The following SEMA3A variants were observed in gnomAD, a reference collection of about 807,000 sequenced individuals.
The protein encoded by SEMA3A is semaphorin-3A.
Under a neutral mutation model 97.9 loss-of-function variants are expected in SEMA3A, and 29 were observed. The ratio of observed to expected loss-of-function variants is 0.30; its 90% CI spans 0.22 to 0.40. The LOEUF (loss-of-function observed/expected upper bound fraction) is 0.40, where lower values mean the gene tolerates loss of function less well. SEMA3A is among the 10% of genes least tolerant of loss of function. The probability of loss-of-function intolerance (pLI) is 1.00; values close to 1 mark genes in which losing one functional copy is unlikely to be tolerated. For missense variants in SEMA3A, 763 were observed against 951.3 expected, an observed-to-expected ratio of 0.80 and a Z score of 2.60; for synonymous variants, 321 against 323.7, an observed-to-expected ratio of 0.99 and a Z score of 0.09.
At position 84,147,466 on chromosome 7, in the gene SEMA3A, T is replaced by G. The variant is rs913353516; in HGVS notation, c.113-12515A>C. Among the ~76,000 whole-genome samples, 4 of 152,088 alleles carry G rather than the reference T, an allele frequency of 2.6e-5. No individual in the cohort carries two copies. In the East Asian group the frequency reaches 7.7e-4, roughly 29 times the overall value. On this transcript the variant is annotated intron_variant, in intron 1 of 16. Transcript: ENST00000265362. ...ACATATTCCTATCAGTGTTCATGGG[T>G]GTCCCTTTTTTATGTGAGGCAAGCA... is the stretch of plus-strand genomic sequence containing the variant.
At chr7:84,234,846 G>T (rs1799196461) in intron 3 of SEMA3A, among the ~76,000 whole-genome samples, 1 of 151,912 alleles carries the variant, frequency 6.6e-6, no homozygotes, top group African/African-American at 2.4e-5. Flanking sequence ...TTCAAATCTA[G>T]GGTAATCTTT....
intron 2 of SEMA3A, among the ~76,000 whole-genome samples, chr7:84,360,642 CAA>C (rs1802694043): frequency 6.6e-6 from 1 of 152,008 alleles, no homozygotes. Flanking sequence ...TGTAGCATGT[CAA>C]GACGAGTGTA....
At chr7:83,989,965 C>G (rs925551355) in intron 12 of SEMA3A, among the ~76,000 whole-genome samples, 6 of 151,868 alleles carry the variant, frequency 4.0e-5, no homozygotes, top group Non-Finnish European at 1.5e-5. Flanking sequence ...TTCTCCACAT[C>G]CTCTCCAGCA....
rs1162385486 is a variant in SEMA3A at position 84,366,878 on chromosome 7, AT to A, written c.-169+4945del. Among the ~76,000 whole-genome samples the A allele has an allele frequency of 4.0e-5, 6 of 150,972 alleles. No individual in the cohort carries two copies. The East Asian group carries it at 7.8e-4, about 20-fold the overall frequency. On this transcript the variant is annotated intron_variant, in intron 2 of 3. Coordinates refer to the SEMA3A transcript ENST00000424555. ...AAATCTAGCTACTTGGTTATGCAGG[AT>A]TTTTTTTCTTGTGCTCTCACTTGAT...
chr7:84,411,982 A>G (rs191857921), intron 1 of SEMA3A, among the ~76,000 whole-genome samples: 84 of 152,258 alleles, frequency 5.5e-4, no homozygotes, highest in African/African-American at 2.0e-3. Flanking sequence ...ATTTTAACAT[A>G]TGTAATTTCT....
At chr7:84,089,267 T>A (rs1482301583) in intron 4 of SEMA3A, among the ~76,000 whole-genome samples, 1 of 152,186 alleles carries the variant, frequency 6.6e-6, no homozygotes, top group Non-Finnish European at 1.5e-5. Context: ...TATGCTGTTG[T>A]ATACGCACAT....
chr7:84,052,827 C>G (rs1016497294), intron 5 of SEMA3A, among the ~76,000 whole-genome samples: 5 of 150,776 alleles, frequency 3.3e-5, no homozygotes, highest in Non-Finnish European at 7.4e-5. Flanking sequence ...TTGGATCTTT[C>G]CTGCTTTCTC....
At chr7:84,370,153 A>T (rs564885081) in intron 2 of SEMA3A, among the ~76,000 whole-genome samples, 1 of 151,562 alleles carries the variant, frequency 6.6e-6, no homozygotes, top group Admixed American at 6.6e-5. Flanking sequence ...TGGAATAGCA[A>T]TCTTAGGAAC....
At chr7:84,371,274 C>T (rs1225414530) in intron 2 of SEMA3A, among the ~76,000 whole-genome samples, 1 of 151,688 alleles carries the variant, frequency 6.6e-6, no homozygotes, top group Non-Finnish European at 1.5e-5. Flanking sequence ...TAACATGGCT[C>T]AGAGACTTTA....
At chr7:84,406,235 G>T (rs4582479) in intron 1 of SEMA3A, among the ~76,000 whole-genome samples, 48,335 of 151,946 alleles carry the variant, frequency 0.32, 9,227 homozygotes, top group African/African-American at 0.54. Context: ...CGATCCCACA[G>T]AAATACAAAC....
chr7:84,439,533 G>A (rs1387686117), intron 1 of SEMA3A, among the ~76,000 whole-genome samples: 3 of 152,158 alleles, frequency 2.0e-5, no homozygotes, highest in African/African-American at 7.2e-5. Flanking sequence ...TGTGTGCTAT[G>A]TAAATTTCTG....
chr7:84,373,930 G>A (rs185130802), intron 1 of SEMA3A, among the ~76,000 whole-genome samples: 1 of 152,192 alleles, frequency 6.6e-6, no homozygotes, highest in Admixed American at 6.6e-5. Flanking sequence ...TTGAAAATAT[G>A]GCATGAGATG....
intron 14 of SEMA3A, among the ~76,000 whole-genome samples, chr7:83,979,368 G>T (rs975686600): frequency 6.6e-6 from 1 of 152,086 alleles, no homozygotes; most frequent in Non-Finnish European, 1.5e-5. Flanking sequence ...TCTTGACATC[G>T]TGAGCCGCCT....
chr7:84,049,308 A>T (rs894790245), intron 5 of SEMA3A, among the ~76,000 whole-genome samples: 2 of 152,046 alleles, frequency 1.3e-5, no homozygotes, highest in African/African-American at 4.8e-5. Context: ...TCCATACTCA[A>T]TGTCAGTAAA....
At chr7:84,287,189 T>C (rs944668025) in intron 3 of SEMA3A, among the ~76,000 whole-genome samples, 2 of 152,088 alleles carry the variant, frequency 1.3e-5, no homozygotes, top group Non-Finnish European at 2.9e-5. Flanking sequence ...ATTTTGGTTG[T>C]TTCAATATGA....
chr7:84,066,305 T>G (rs181583841), intron 4 of SEMA3A, among the ~76,000 whole-genome samples: 397 of 152,068 alleles, frequency 2.6e-3, no homozygotes, highest in African/African-American at 7.2e-3. Context: ...CAAACCCACA[T>G]CCAATATCAT....
intron 3 of SEMA3A, among the ~76,000 whole-genome samples, chr7:84,292,244 T>C (rs1242658164): frequency 6.6e-6 from 1 of 152,062 alleles, no homozygotes; most frequent in Non-Finnish European, 1.5e-5. Flanking sequence ...AAGATAAGCA[T>C]GTTAAATGTT....
At chr7:84,457,219 A>T (rs1433590482) in intron 1 of SEMA3A, among the ~76,000 whole-genome samples, 1 of 151,782 alleles carries the variant, frequency 6.6e-6, no homozygotes, top group Non-Finnish European at 1.5e-5. Context: ...TTCCTGAGTC[A>T]GTTATTCCAC....
intron 3 of SEMA3A, among the ~76,000 whole-genome samples, chr7:84,244,509 T>A (rs961743492): frequency 1.3e-5 from 2 of 152,182 alleles, no homozygotes; most frequent in Non-Finnish European, 2.9e-5. Context: ...GTGTCTTAAA[T>A]AGAGCACACG....
Sources: allele counts gnomAD v4.1 joint callset (sites outside exome capture counted in the v4.1 genomes callset), GRCh38; gene constraint gnomAD v4.1.1; transcripts MANE v1.5; gene names NCBI Gene and HGNC (gene_info 2026-07-23, HGNC 2026-07-21).